The following TGM7 variants were observed in gnomAD, a reference collection of about 807,000 sequenced individuals.
TGM7 encodes protein-glutamine gamma-glutamyltransferase Z.
In TGM7, 74 loss-of-function variants were observed where a neutral mutation model predicts 79.5. The ratio of observed to expected loss-of-function variants is 0.93; its 90% CI spans 0.77 to 1.13. TGM7 has a LOEUF of 1.13. Among genes scored for constraint, TGM7 ranks in the 50% most tolerant of loss-of-function variants. The pLI, the probability that TGM7 is intolerant of heterozygous loss-of-function variation, is 0.00. For synonymous variants in TGM7, 354 were observed against 362.5 expected, an observed-to-expected ratio of 0.98 and a Z score of 0.27; for missense variants, 912 against 905.9, an observed-to-expected ratio of 1.01 and a Z score of -0.09.
chr15:43,279,805 G>A lies in TGM7; in HGVS notation c.1498C>T (p.Pro500Ser). The A allele has an allele frequency of 6.2e-7, 1 of 1,614,192 alleles. No individual in the cohort carries two copies. Among genetic ancestry groups the A allele is most frequent in the Non-Finnish European group, 8.5e-7 (1 of 1,180,022 alleles). Residue 500 changes from proline (P) to serine (S), a missense_variant, in exon 10 of 13, where the codon CCC (proline) becomes TCC (serine). Physicochemically the swap from Pro to Ser is moderately conservative, Grantham distance 74. Transcript: ENST00000452443. The part of the protein sequence containing the change: ...AQLQLHLARI[P>S]EWGQDLQLLL... ...AGCTGCAGGTCCTGGCCCCACTCGG[G>A]TATCCTGGCCAGGTGAAGCTGCAGC... is the stretch of plus-strand genomic sequence containing the variant.
At chr15:43,298,485 G>A (rs1054235183) in intron 1 of TGM7, among the ~76,000 whole-genome samples, 4 of 152,276 alleles carry the variant, frequency 2.6e-5, no homozygotes, top group African/African-American at 7.2e-5. Context: ...GGCCAGGCGC[G>A]GTGGCTCACG....
In TGM7 at chr15:43,277,004, A is replaced by G. The variant is rs753197705; in HGVS notation, c.1840-9T>C. On this transcript the variant is annotated splice_polypyrimidine_tract_variant and intron_variant, in intron 11 of 12. Coordinates refer to ENST00000452443, the MANE Select transcript of TGM7 (RefSeq NM_052955.3). ...TCAGCCCTCTCAGACACCTGTGTGGAGAGAAGTCAGCAATCCCATGGGCAA... is the reference window on the plus strand; with the variant it reads ...TCAGCCCTCTCAGACACCTGTGTGGGGAGAAGTCAGCAATCCCATGGGCAA... The G allele has an allele frequency of 1.2e-6, 2 of 1,613,336 alleles. No homozygotes were observed. The highest frequency in any genetic ancestry group is 1.7e-6 in the Non-Finnish European group (2 of 1,179,688).
intron 7 of TGM7, 116 bp downstream of exon 7, chr15:43,284,698 A>C (rs2042925985): frequency 4.0e-6 from 5 of 1,252,960 alleles, no homozygotes; most frequent in Non-Finnish European, 5.7e-6. Context: ...TCTGAGCATT[A>C]GCAGCAATGC....
intron 4 of TGM7, among the ~76,000 whole-genome samples, chr15:43,291,311 T>C (rs911911278): frequency 6.6e-6 from 1 of 152,232 alleles, no homozygotes; most frequent in African/African-American, 2.4e-5. Flanking sequence ...TCTGCATCTA[T>C]TGAGATAATC....
chr15:43,291,912 T>C, intron 4 of TGM7, 67 bp downstream of exon 4: 1 of 1,171,524 alleles, frequency 8.5e-7, no homozygotes, highest in Non-Finnish European at 1.3e-6. Context: ...CAGCCTTACA[T>C]AACAGGGTTG....
rs550540141 is a variant in TGM7, at chr15:43,302,113, T to C, written c.10+128A>G. The C allele has an allele frequency of 1.4e-5, 15 of 1,086,668 alleles. No homozygotes were observed. In the East Asian group the frequency reaches 2.6e-4, roughly 19 times the overall value. The allele number at this position is 1,086,668 out of a possible 1,614,324, so 67.3% of individuals were successfully genotyped here. A position where few individuals can be genotyped will look rare whatever the true frequency, so the allele number is the denominator to read the frequency against. On this transcript the variant is annotated intron_variant, in intron 1 of 12. Coordinates refer to ENST00000452443, the MANE Select transcript of TGM7 (RefSeq NM_052955.3). The stretch of plus-strand genomic sequence containing the variant: ...GAGAAGTAAGAAGAAGGAGCCGTAT[T>C]GCACAATGAACTACCAATCATCAAT...
At chr15:43,292,233 G>A (rs1025161618) in intron 3 of TGM7, 136 bp from the exon 4 acceptor site, 1 of 632,670 alleles carries the variant, frequency 1.6e-6, no homozygotes, top group African/African-American at 1.8e-5. Flanking sequence ...CAGAAATTAA[G>A]ACTAGACCCC....
At position 43,276,447 on chromosome 15, in the gene TGM7, G is replaced by C; in HGVS notation, c.*8C>G. 6.2e-7 allele frequency: 1 copy of C among 1,609,408 alleles called. No homozygotes were observed. Among genetic ancestry groups the C allele is most frequent in the East Asian group, 2.2e-5 (1 of 44,830 alleles). ...GGGGTGCCAGGGAGGGCAGCTGGAG[G>C]GCGGGTCTCAGGGAGCCCCAGCCAC... is the stretch of plus-strand genomic sequence containing the variant. On this transcript the variant is annotated 3_prime_UTR_variant, in exon 13 of 13. Coordinates refer to ENST00000452443, the MANE Select transcript of TGM7 (RefSeq NM_052955.3).
chr15:43,287,559 G>A lies in TGM7; in HGVS notation c.669C>T (p.Cys223=), dbSNP rs2042942339. 1.2e-6 allele frequency: 2 copies of A among 1,613,990 alleles called. No homozygotes were observed. Among genetic ancestry groups the A allele is most frequent in the Non-Finnish European group, 1.7e-6 (2 of 1,179,950 alleles). Residue 223 remains cysteine (C), a synonymous_variant, in exon 5 of 13, where the codon TGC becomes TGT. Coordinates refer to ENST00000452443, the MANE Select transcript of TGM7 (RefSeq NM_052955.3). Reference sequence around the variant, plus strand: ...TCCTTACCATGGCACTCACCACCCTGCACACATACACCACGTCGTTCCGCT... The same window carrying A: ...TCCTTACCATGGCACTCACCACCCTACACACATACACCACGTCGTTCCGCT... ...CSQRNDVVYV[C]RVVSAMINSN...
intron 10 of TGM7, 136 bp downstream of exon 10, chr15:43,279,489 G>T: frequency 2.4e-6 from 3 of 1,256,534 alleles, no homozygotes; most frequent in Non-Finnish European, 3.3e-6. Flanking sequence ...GCAGCAGCTG[G>T]CAGCTTCACT....
chr15:43,291,638 A>G (rs984902027), intron 4 of TGM7, among the ~76,000 whole-genome samples: 2 of 152,226 alleles, frequency 1.3e-5, no homozygotes, highest in Non-Finnish European at 1.5e-5. Context: ...TGTGGGCTGT[A>G]GTTTGCAAAC....
At chr15:43,287,146 G>T in intron 6 of TGM7, 134 bp downstream of exon 6, 1 of 971,392 alleles carries the variant, frequency 1.0e-6, no homozygotes, top group Non-Finnish European at 1.5e-6. Context: ...TGTATGGTGT[G>T]CTAGCTCAGG....
At position 43,293,627 on chromosome 15, in the gene TGM7, T is replaced by C. The variant is rs1338611665; in HGVS notation, c.15A>G (p.Ala5=). Residue 5 remains alanine (A), a synonymous_variant, in exon 2 of 13, where the codon GCA becomes GCG. Transcript: ENST00000452443. ...GGTCGACAGACTCAAGCCGCAAGGT[T>C]GCCACTAGGGGAGAGGAGGGGACAG... MDQV[A]TLRLESVDLQ... 1 of 1,603,752 alleles carries C rather than the reference T, an allele frequency of 6.2e-7. No individual in the cohort carries two copies. The highest frequency in any genetic ancestry group is 1.7e-5 in the Admixed American group (1 of 59,480).
chr15:43,286,237 C>T (rs1445415245), intron 6 of TGM7, among the ~76,000 whole-genome samples: 3 of 152,248 alleles, frequency 2.0e-5, no homozygotes, highest in African/African-American at 7.2e-5. Flanking sequence ...TTGGCAGGGG[C>T]AGCTCCCCCA....
At chr15:43,301,752 G>A (rs1596467390) in intron 1 of TGM7, among the ~76,000 whole-genome samples, 1 of 152,300 alleles carries the variant, frequency 6.6e-6, no homozygotes. Flanking sequence ...ACTCCCAGGA[G>A]AGGAGTGGCA....
rs1320665631 is a variant in TGM7 at position 43,282,144 on chromosome 15, G to A, written c.1109-58C>T. 5 of 1,597,996 alleles carry A rather than the reference G, an allele frequency of 3.1e-6. No individual in the cohort carries two copies. The Admixed American group carries it at 8.4e-5, about 27-fold the overall frequency. ...CAGGGGCAGCTGGTTGTGGCTGTGG[G>A]AGGTGGAGATGGGATAGGCAGCGGC... is the stretch of plus-strand genomic sequence containing the variant. On this transcript the variant is annotated intron_variant, in intron 8 of 12. Coordinates refer to ENST00000452443, the MANE Select transcript of TGM7 (RefSeq NM_052955.3).
At chr15:43,297,605 G>GAAAGAA (rs2043004923) in intron 1 of TGM7, among the ~76,000 whole-genome samples, 1 of 148,796 alleles carries the variant, frequency 6.7e-6, no homozygotes, top group Non-Finnish European at 1.5e-5. Context: ...AAGAAAGAAA[G>GAAAGAA]AAAGAAAGAA....
chr15:43,289,830 T>C (rs1248540573), intron 4 of TGM7, among the ~76,000 whole-genome samples: 7 of 152,246 alleles, frequency 4.6e-5, no homozygotes. Context: ...ATGAGCATTT[T>C]TTCATGTGTC....
chr15:43,277,034 C>T (rs757382504), intron 11 of TGM7, 39 bp from the exon 12 acceptor site: 3 of 1,608,076 alleles, frequency 1.9e-6, no homozygotes, highest in Non-Finnish European at 2.5e-6. Flanking sequence ...GGGCAACTGG[C>T]CTCGCTTCTG....
Sources: gnomAD v4.1 joint callset for allele counts (sites outside exome capture counted in the v4.1 genomes callset) on GRCh38, gnomAD v4.1.1 for gene constraint, MANE v1.5 for transcripts, NCBI Gene and HGNC (gene_info 2026-07-23, HGNC 2026-07-21) for gene names.